The following CELF4 variants were observed in gnomAD, a reference collection of about 807,000 sequenced individuals.
CELF4 encodes the protein CUG-BP- and ETR-3-like factor 4.
A neutral mutation model predicts 59.9 loss-of-function variants in CELF4; 18 were observed. The ratio of observed to expected loss-of-function variants is 0.30; its 90% CI spans 0.21 to 0.45. CELF4 has a LOEUF of 0.45. Among genes scored for constraint, CELF4 ranks in the 20% least tolerant of loss-of-function variants. CELF4 has a pLI of 1.00. For missense variants in CELF4, 456 were observed against 689.0 expected, an observed-to-expected ratio of 0.66 and a Z score of 3.79; for synonymous variants, 261 against 267.1, an observed-to-expected ratio of 0.98 and a Z score of 0.22.
chr18:37,269,440 C>T (rs1428867588), intron 8 of CELF4, among the ~76,000 whole-genome samples: 1 of 152,232 alleles, frequency 6.6e-6, no homozygotes, highest in Admixed American at 6.5e-5. Flanking sequence ...GGTCTGCACT[C>T]TAGACAGGGA....
chr18:37,264,010 C>T (rs541876061), intron 10 of CELF4, among the ~76,000 whole-genome samples: 40 of 152,266 alleles, frequency 2.6e-4, no homozygotes, highest in African/African-American at 9.4e-4. Context: ...TGGGGCTTCC[C>T]TTCCTGACCC....
rs530997988 is a variant in CELF4, at chr18:37,392,042, G to T, written c.370-70161C>A. Among the ~76,000 whole-genome samples, 424 of 152,354 alleles carry T rather than the reference G, an allele frequency of 2.8e-3. 1 individual carries two copies. Among genetic ancestry groups the T allele is most frequent in the Non-Finnish European group, 4.4e-3 (302 of 68,034 alleles). On this transcript the variant is annotated intron_variant, in intron 2 of 12. Transcript: ENST00000420428. ...TGCCTGCAACTGGGTCACCAGAACC[G>T]AATTCAGGGAGACCCTGGGGGCTGA...
chr18:37,480,632 G>A (rs1485886136), intron 2 of CELF4, among the ~76,000 whole-genome samples: 1 of 152,162 alleles, frequency 6.6e-6, no homozygotes, highest in African/African-American at 2.4e-5. Flanking sequence ...GGAGGGAGAT[G>A]GGCCTTGCCA....
intron 2 of CELF4, among the ~76,000 whole-genome samples, chr18:37,351,771 C>T (rs1170457957): frequency 6.6e-6 from 1 of 151,952 alleles, no homozygotes; most frequent in Non-Finnish European, 1.5e-5. Context: ...CCACCACGCC[C>T]TGCTAATGTT....
chr18:37,560,443 T>C (rs1360215971), intron 1 of CELF4, among the ~76,000 whole-genome samples: 1 of 152,214 alleles, frequency 6.6e-6, no homozygotes, highest in Admixed American at 6.5e-5. Context: ...GTTTTAATGG[T>C]GATTGTTGCT....
chr18:37,470,890 CAGAG>C (rs142446683), intron 2 of CELF4, among the ~76,000 whole-genome samples: 2,902 of 94,946 alleles, frequency 0.031, 98 homozygotes, highest in East Asian at 0.19. Context: ...GTGTGTGTGA[CAGAG>C]AGAGAGAGAG....
At chr18:37,303,985 C>T (rs986768666) in intron 3 of CELF4, among the ~76,000 whole-genome samples, 5 of 152,358 alleles carry the variant, frequency 3.3e-5, no homozygotes, top group African/African-American at 7.2e-5. Flanking sequence ...AGACACCTGC[C>T]TAGGCCTGTA....
chr18:37,325,083 G>A (rs1440098676), intron 2 of CELF4, among the ~76,000 whole-genome samples: 2 of 152,140 alleles, frequency 1.3e-5, no homozygotes, highest in Non-Finnish European at 2.9e-5. Flanking sequence ...CTGCAAGGCT[G>A]GGAGGAAGGC....
In CELF4 at chr18:37,356,768, A is replaced by T. The variant is rs1050968873; in HGVS notation, c.370-34887T>A. 3.3e-5 allele frequency among the ~76,000 whole-genome samples: 5 copies of T among 152,216 alleles called. No individual in the cohort carries two copies. In the South Asian group the frequency reaches 6.2e-4, roughly 19 times the overall value. On this transcript the variant is annotated intron_variant, in intron 2 of 12. Transcript: ENST00000420428. ...GCAGCGAGCTTCAGTAACTTGCCTG[A>T]GTCCTCAGCTAGGCTGCCTTCTGAC...
intron 12 of CELF4, among the ~76,000 whole-genome samples, chr18:37,250,439 C>CA (rs1369831685): frequency 6.6e-6 from 1 of 152,096 alleles, no homozygotes; most frequent in African/African-American, 2.4e-5. Context: ...GGTCTGTCCC[C>CA]ACTCCCTTCT....
intron 2 of CELF4, among the ~76,000 whole-genome samples, chr18:37,426,686 G>A (rs948084238): frequency 3.3e-5 from 5 of 152,170 alleles, no homozygotes; most frequent in Admixed American, 6.5e-5. Flanking sequence ...GGCTGGGGGC[G>A]GGGCAGCCTG....
intron 2 of CELF4, among the ~76,000 whole-genome samples, chr18:37,444,822 C>T (rs1016780605): frequency 1.4e-4 from 21 of 152,180 alleles, no homozygotes; most frequent in African/African-American, 4.6e-4. Context: ...ACCTCCCTCC[C>T]GGAGTAAGAT....
intron 2 of CELF4, among the ~76,000 whole-genome samples, chr18:37,465,168 T>C (rs1235393269): frequency 6.6e-6 from 1 of 152,186 alleles, no homozygotes; most frequent in Non-Finnish European, 1.5e-5. Context: ...CTGCAATCTT[T>C]ATTGCTTATT....
At chr18:37,341,286 G>T (rs764743999) in intron 2 of CELF4, among the ~76,000 whole-genome samples, 6 of 152,210 alleles carry the variant, frequency 3.9e-5, no homozygotes, top group Non-Finnish European at 8.8e-5. Context: ...TCCCAGAGGG[G>T]CAGACTGGGA....
intron 2 of CELF4, among the ~76,000 whole-genome samples, chr18:37,339,753 CAAA>C (rs1300133217): frequency 5.8e-5 from 4 of 69,348 alleles, no homozygotes; most frequent in Non-Finnish European, 6.0e-5. Flanking sequence ...GACTCTGTCT[CAAA>C]AAAAAAAAAA....
intron 1 of CELF4, among the ~76,000 whole-genome samples, chr18:37,518,678 G>A (rs930384796): frequency 1.3e-5 from 2 of 152,148 alleles, no homozygotes; most frequent in African/African-American, 4.8e-5. Context: ...CCCTACCTCA[G>A]GCAATCTTGC....
chr18:37,280,260 T>C (rs963532099), intron 3 of CELF4, among the ~76,000 whole-genome samples: 3 of 86,478 alleles, frequency 3.5e-5, no homozygotes, highest in African/African-American at 1.8e-4. Context: ...CAGGAGGGGC[T>C]GGACAAAACC....
chr18:37,362,604 G>A (rs912460784), intron 2 of CELF4, among the ~76,000 whole-genome samples: 31 of 151,826 alleles, frequency 2.0e-4, no homozygotes, highest in African/African-American at 7.5e-4. Flanking sequence ...CTGCAGCCTG[G>A]GGAGCAGGCT....
chr18:37,427,802 G>A (rs1054589180), intron 2 of CELF4, among the ~76,000 whole-genome samples: 2 of 152,232 alleles, frequency 1.3e-5, no homozygotes, highest in African/African-American at 4.8e-5. Context: ...GAGGCCTCCA[G>A]TCCTGCAGAG....
Sources: gnomAD v4.1 joint callset for allele counts (sites outside exome capture counted in the v4.1 genomes callset) on GRCh38, gnomAD v4.1.1 for gene constraint, MANE v1.5 for transcripts, NCBI Gene and HGNC (gene_info 2026-07-23, HGNC 2026-07-21) for gene names.